The following CACNA2D4 variants were observed in gnomAD, a reference collection of about 807,000 sequenced individuals.
The protein encoded by CACNA2D4 is calcium voltage-gated channel auxiliary subunit alpha2delta 4.
CACNA2D4 carries 157 observed loss-of-function variants against 163.8 expected under a neutral mutation model. The observed-to-expected ratio is 0.96, with a 90% confidence interval of 0.84 to 1.09. CACNA2D4 has a LOEUF of 1.09. CACNA2D4 is among the 50% of genes least tolerant of loss of function. The probability of loss-of-function intolerance (pLI) is 0.00; values close to 1 mark genes in which losing one functional copy is unlikely to be tolerated. For synonymous variants in CACNA2D4, 598 were observed against 586.9 expected (o/e 1.02, Z -0.27); for missense variants, 1,410 against 1,479.9 (o/e 0.95, Z 0.78).
intron 26 of CACNA2D4, among the ~76,000 whole-genome samples, chr12:1,839,571 G>C (rs1864965620): frequency 6.6e-6 from 1 of 152,214 alleles, no homozygotes. Flanking sequence ...GGGGCTTTGG[G>C]CAAGTAAGTT....
intron 26 of CACNA2D4, among the ~76,000 whole-genome samples, chr12:1,813,495 C>T (rs888378798): frequency 2.1e-4 from 32 of 152,314 alleles, no homozygotes; most frequent in Admixed American, 1.7e-3. Flanking sequence ...GTGGCTAGCA[C>T]GCCTGAGGAC....
rs899760220 is a variant in CACNA2D4, at chr12:1,885,037, C to T, written c.1108G>A (p.Val370Met). 3.1e-6 allele frequency: 5 copies of T among 1,614,030 alleles called. No homozygotes were observed. Among genetic ancestry groups the T allele is most frequent in the Middle Eastern group, 1.6e-4 (1 of 6,062 alleles). The change falls in exon 10 of 38, where the codon GTG (valine) becomes ATG (methionine). Residue 370 changes from valine to methionine, a missense_variant. Physicochemically the swap from Val to Met is conservative, Grantham distance 21. Transcript: ENST00000382722. ...CTCAGGGCTTGGTCCACGACCCCCA[C>T]ACCTTTGACCATCAACTCCTCCACC... ...LLVEELMVKG[V>M]GVVDQALREA...
intron 26 of CACNA2D4, chr12:1,827,908 G>T (rs968026028): frequency 4.9e-6 from 2 of 409,238 alleles, no homozygotes; most frequent in Non-Finnish European, 8.6e-6. Flanking sequence ...CATCCCAGGG[G>T]CTTGAAGGCT....
chr12:1,878,396 G>C lies in CACNA2D4; in HGVS notation c.1645-7C>G. The stretch of plus-strand genomic sequence containing the variant: ...CGTATCCGTGCACTCCAAGCTGCCA[G>C]AGTCCAGGGTGGAGGCGCATTAGGC... On this transcript the variant is annotated splice_polypyrimidine_tract_variant and splice_region_variant and intron_variant, in intron 15 of 37. Transcript: ENST00000382722. This position sits in a 1 kb window ranked among gnomAD's most constrained non-coding sequence, Gnocchi z 4.6. 1 of 1,596,648 alleles carries C rather than the reference G, an allele frequency of 6.3e-7. No individual in the cohort carries two copies. Among genetic ancestry groups the C allele is most frequent in the South Asian group, 1.1e-5 (1 of 87,664 alleles).
In CACNA2D4 at chr12:1,917,534, A is replaced by G. The variant is rs1867017157; in HGVS notation, c.227+713T>C. On this transcript the variant is annotated intron_variant, in intron 1 of 37. Coordinates refer to ENST00000382722, the MANE Select transcript of CACNA2D4 (RefSeq NM_172364.5). The surrounding 1 kb of genome is among the most constrained non-coding windows in gnomAD (Gnocchi z 4.3). ...CTAGAAGGCTCTGCTACCCACATGT[A>G]TTGGAAATTTCCTTCCTAGGACCAC... Among the ~76,000 whole-genome samples, 1 of 152,092 alleles carries G rather than the reference A, an allele frequency of 6.6e-6. No homozygotes were observed. Among genetic ancestry groups the G allele is most frequent in the South Asian group, 2.1e-4 (1 of 4,824 alleles).
At chr12:1,914,320 C>T (rs16928921) in intron 2 of CACNA2D4, among the ~76,000 whole-genome samples, 8 of 152,098 alleles carry the variant, frequency 5.3e-5, no homozygotes, top group Admixed American at 2.0e-4. Context: ...TTGTTTATAA[C>T]CTGGTAAGAA....
At position 1,793,750 on chromosome 12, in the gene CACNA2D4, G is replaced by T; in HGVS notation, c.3319C>A (p.Gln1107Lys). The change falls in exon 38 of 38, where the codon CAG (glutamine) becomes AAG (lysine). Residue 1107 changes from glutamine to lysine, a missense_variant. Transcript: ENST00000382722. The part of the protein sequence containing the change: ...CHAFHPEENA[Q>K]DCGGASDTSA... ...GTGTCCGAGGCGCCGCCGCAGTCCT[G>T]GGCATTCTCCTGCGAACGCAGAGCA... The T allele has an allele frequency of 6.2e-7, 1 of 1,612,994 alleles. No individual in the cohort carries two copies. The highest frequency in any genetic ancestry group is 8.5e-7 in the Non-Finnish European group (1 of 1,179,780).
rs767503914 is a variant in CACNA2D4 at position 1,860,150 on chromosome 12, AG to A, written c.1934del (p.Pro645LeufsTer58). 6.2e-7 allele frequency: 1 copy of A among 1,612,952 alleles called. No individual in the cohort carries two copies. Among genetic ancestry groups the A allele is most frequent in the South Asian group, 1.1e-5 (1 of 91,032 alleles). The part of the protein sequence containing the change: ...DYFFTDISDT[P>X]FSLGVVLSRG... ...ATAAAGCCTGTGTCCCTCACCTGAA[AG>A]GGGTGTCGCTGATGTCCGTGAAGAA... On this transcript the variant is annotated frameshift_variant, in exon 19 of 38. Transcript: ENST00000382722. LOFTEE classifies it high-confidence loss of function.
chr12:1,837,113 G>A (rs927176879), intron 26 of CACNA2D4, among the ~76,000 whole-genome samples: 10 of 152,366 alleles, frequency 6.6e-5, no homozygotes, highest in African/African-American at 1.2e-4. Flanking sequence ...GCCATGGCCC[G>A]TGCCCTGTGG....
intron 26 of CACNA2D4, among the ~76,000 whole-genome samples, chr12:1,839,273 T>C (rs1373691682): frequency 6.6e-6 from 1 of 152,270 alleles, no homozygotes; most frequent in East Asian, 1.9e-4. Context: ...TGAGCTCGAA[T>C]GCCTGTTGGA....
chr12:1,866,727 T>G (rs888607660), intron 18 of CACNA2D4, among the ~76,000 whole-genome samples: 10 of 151,790 alleles, frequency 6.6e-5, no homozygotes, highest in Admixed American at 2.6e-4. Context: ...CTCAAGTGAT[T>G]CTCCCGCCTC....
rs1488604014 is a variant in CACNA2D4, at chr12:1,840,836, A to C, written c.2471-17T>G. On this transcript the variant is annotated splice_polypyrimidine_tract_variant and intron_variant, in intron 25 of 37. Transcript: ENST00000382722. ...CCGCACTTTCTGGGGAAACAGAGAC[A>C]ACCCAGTCATGGGGAAGAGCTGTGG... 1 of 1,490,014 alleles carries C rather than the reference A, an allele frequency of 6.7e-7. No individual in the cohort carries two copies. The highest frequency in any genetic ancestry group is 2.1e-5 in the Admixed American group (1 of 47,318). 92.3% of individuals were successfully genotyped at this position (1,490,014 alleles called of 1,614,324 possible). A position where few individuals can be genotyped will look rare whatever the true frequency, so the allele number is the denominator to read the frequency against.
intron 26 of CACNA2D4, among the ~76,000 whole-genome samples, chr12:1,838,387 C>G (rs1295400369): frequency 6.6e-6 from 1 of 152,206 alleles, no homozygotes; most frequent in Non-Finnish European, 1.5e-5. Flanking sequence ...CGCTCACACG[C>G]TTACAGTGCC....
At chr12:1,891,444 A>G (rs1266830048) in intron 6 of CACNA2D4, among the ~76,000 whole-genome samples, 2 of 152,216 alleles carry the variant, frequency 1.3e-5, no homozygotes, top group East Asian at 1.9e-4. Context: ...CCTCCCATAT[A>G]AAAGCAAATT....
intron 26 of CACNA2D4, among the ~76,000 whole-genome samples, chr12:1,812,193 G>A (rs965452560): frequency 6.6e-6 from 1 of 152,168 alleles, no homozygotes. Flanking sequence ...TTAACCTGGT[G>A]TAACCATTCC....
chr12:1,877,968 A>T (rs772359250), intron 16 of CACNA2D4, among the ~76,000 whole-genome samples: 1 of 152,198 alleles, frequency 6.6e-6, no homozygotes, highest in Non-Finnish European at 1.5e-5. Context: ...TGCCATTTCC[A>T]TGCTTAGCTC....
chr12:1,853,904 A>C, intron 23 of CACNA2D4, 47 bp downstream of exon 23: 1 of 1,468,512 alleles, frequency 6.8e-7, no homozygotes, highest in Non-Finnish European at 9.5e-7. Context: ...AGCCAAGGGA[A>C]TTCTGGGGGC....
At chr12:1,916,613 G>A (rs994835694) in intron 1 of CACNA2D4, among the ~76,000 whole-genome samples, 1 of 152,128 alleles carries the variant, frequency 6.6e-6, no homozygotes, top group Non-Finnish European at 1.5e-5. Context: ...GATAAGCCGT[G>A]CCCATGCAGG....
At position 1,844,626 on chromosome 12, in the gene CACNA2D4, G is replaced by T; in HGVS notation, c.2343-97C>A. The T allele has an allele frequency of 1.5e-6, 2 of 1,352,942 alleles. No individual in the cohort carries two copies. Among genetic ancestry groups the T allele is most frequent in the Non-Finnish European group, 2.0e-6 (2 of 979,162 alleles). The allele number at this position is 1,352,942 out of a possible 1,614,324, so 83.8% of individuals were successfully genotyped here. On this transcript the variant is annotated intron_variant, in intron 24 of 37. Transcript: ENST00000382722. The surrounding 1 kb of genome is among the most constrained non-coding windows in gnomAD (Gnocchi z 4.2). ...CAAGGTCAACTTGGCTGGGCTAAGA[G>T]AGTGATTTTAGCCCCTAAATTAGTA...
Sources: gnomAD v4.1 joint callset for allele counts (sites outside exome capture counted in the v4.1 genomes callset) on GRCh38, gnomAD v4.1.1 for gene constraint, Gnocchi (gnomAD v3.1) non-coding constraint, MANE v1.5 for transcripts, NCBI Gene and HGNC (gene_info 2026-07-23, HGNC 2026-07-21) for gene names.